Variants in TTC28 observed in about 807,000 individuals in gnomAD.
The protein encoded by TTC28 is tetratricopeptide repeat protein 28.
In TTC28, 61 loss-of-function variants were observed where a neutral mutation model predicts 198.0. The ratio of observed to expected loss-of-function variants is 0.31; its 90% CI spans 0.25 to 0.38. The LOEUF (loss-of-function observed/expected upper bound fraction) is 0.38, where lower values mean the gene tolerates loss of function less well. Among genes scored for constraint, TTC28 ranks in the 10% least tolerant of loss-of-function variants. TTC28 has a pLI of 1.00. For missense variants in TTC28, 2,678 were observed against 3,164.0 expected (o/e 0.85, Z 3.69); for synonymous variants, 1,171 against 1,297.8 (o/e 0.90, Z 2.10).
At chr22:28,390,415 G>A (rs1425486666) in intron 2 of TTC28, among the ~76,000 whole-genome samples, 6 of 151,928 alleles carry the variant, frequency 3.9e-5, no homozygotes, top group South Asian at 2.1e-4. Context: ...TTTCTGTCTC[G>A]TTGATCTGTC....
At chr22:28,081,282 G>A (rs886374542) in intron 12 of TTC28, among the ~76,000 whole-genome samples, 4 of 151,930 alleles carry the variant, frequency 2.6e-5, no homozygotes, top group Admixed American at 1.3e-4. Context: ...CCAGGTTCAA[G>A]CGATTCTCAT....
chr22:28,283,962 C>T (rs1420832289), intron 5 of TTC28, among the ~76,000 whole-genome samples: 1 of 152,140 alleles, frequency 6.6e-6, no homozygotes, highest in East Asian at 1.9e-4. Context: ...CTTTATATGA[C>T]AACTTCTCCA....
intron 17 of TTC28, 55 bp from the exon 18 acceptor site, chr22:27,993,573 G>A (rs977297985): frequency 1.9e-5 from 28 of 1,474,524 alleles, no homozygotes; most frequent in East Asian, 1.2e-4. Flanking sequence ...GTTTCCATCC[G>A]CATGGCTTTG....
chr22:28,193,495 T>C (rs751696692), intron 5 of TTC28, among the ~76,000 whole-genome samples: 6 of 152,058 alleles, frequency 3.9e-5, no homozygotes, highest in Non-Finnish European at 5.9e-5. Context: ...GACTGGCAAA[T>C]TGATTAAACA....
At chr22:28,268,249 T>C (rs1248338275) in intron 5 of TTC28, among the ~76,000 whole-genome samples, 1 of 152,226 alleles carries the variant, frequency 6.6e-6, no homozygotes, top group Non-Finnish European at 1.5e-5. Context: ...TAGCTCATTC[T>C]TTCCAAGGCT....
intron 12 of TTC28, among the ~76,000 whole-genome samples, chr22:28,032,770 C>A (rs1939186386): frequency 6.6e-6 from 1 of 152,104 alleles, no homozygotes; most frequent in African/African-American, 2.4e-5. Flanking sequence ...AAGCTTCTCA[C>A]AGACTCTATG....
chr22:28,539,132 T>C (rs1042021978), intron 2 of TTC28, among the ~76,000 whole-genome samples: 3 of 152,130 alleles, frequency 2.0e-5, no homozygotes, highest in African/African-American at 4.8e-5. Flanking sequence ...AATTTGATTG[T>C]GAACATACTA....
At chr22:28,313,825 C>T (rs1208855610) in intron 2 of TTC28, among the ~76,000 whole-genome samples, 1 of 152,192 alleles carries the variant, frequency 6.6e-6, no homozygotes, top group Non-Finnish European at 1.5e-5. Context: ...CCTCTCTCAC[C>T]ACTCCTATTC....
intron 12 of TTC28, among the ~76,000 whole-genome samples, chr22:28,086,977 T>C (rs1941629047): frequency 6.6e-6 from 1 of 152,090 alleles, no homozygotes. Context: ...GTTGAATATC[T>C]AAATAGACCA....
intron 2 of TTC28, among the ~76,000 whole-genome samples, chr22:28,386,262 G>A (rs1315325544): frequency 1.2e-5 from 1 of 80,490 alleles, no homozygotes; most frequent in African/African-American, 4.7e-5. Context: ...GCGACAGAGC[G>A]AGACTCCGTC....
chr22:28,044,081 G>A (rs976708661), intron 12 of TTC28, among the ~76,000 whole-genome samples: 3 of 152,190 alleles, frequency 2.0e-5, no homozygotes, highest in Non-Finnish European at 2.9e-5. Context: ...ATTTGCTGTT[G>A]ACACTGCCAG....
chr22:28,198,953 A>G (rs1442397641), intron 5 of TTC28, among the ~76,000 whole-genome samples: 2 of 152,076 alleles, frequency 1.3e-5, no homozygotes, highest in Admixed American at 6.6e-5. Flanking sequence ...TCTACTCATG[A>G]CTCCAGAAAA....
At chr22:28,358,001 A>T (rs532266350) in intron 2 of TTC28, among the ~76,000 whole-genome samples, 133 of 152,318 alleles carry the variant, frequency 8.7e-4, no homozygotes, top group African/African-American at 3.0e-3. Context: ...TATTTTCTTT[A>T]AGCTCTTTTT....
intron 6 of TTC28, among the ~76,000 whole-genome samples, chr22:28,135,205 C>G (rs1396819106): frequency 6.6e-6 from 1 of 152,092 alleles, no homozygotes; most frequent in Non-Finnish European, 1.5e-5. Context: ...CCTGTTACTA[C>G]CTTGGGGTGG....
chr22:28,154,416 AT>A (rs1459921610), intron 6 of TTC28, among the ~76,000 whole-genome samples: 2 of 147,392 alleles, frequency 1.4e-5, no homozygotes, highest in East Asian at 4.0e-4. Context: ...CAGTGGCGCG[AT>A]CTCGGCACAC....
At chr22:28,380,379 A>G (rs2046476335) in intron 2 of TTC28, among the ~76,000 whole-genome samples, 1 of 152,156 alleles carries the variant, frequency 6.6e-6, no homozygotes, top group African/African-American at 2.4e-5. Flanking sequence ...GCCTACATAT[A>G]ACAAAATCAA....
Position 27,991,410 on chromosome 22 carries a change from G to A in TTC28, c.5554-598C>T, listed in dbSNP as rs550322968. On this transcript the variant is annotated intron_variant, in intron 19 of 22. Coordinates refer to ENST00000397906, the MANE Select transcript of TTC28 (RefSeq NM_001145418.2). ...AAGTGTCTTCCTGATGCTATTCAAC[G>A]AGCAGGCGTTAATACACTTATTACA... 1.7e-4 allele frequency among the ~76,000 whole-genome samples: 26 copies of A among 152,212 alleles called. 1 individual carries two copies. The highest frequency in any genetic ancestry group is 6.2e-4 in the South Asian group (3 of 4,826).
At chr22:28,336,888 A>C (rs1489486016) in intron 2 of TTC28, among the ~76,000 whole-genome samples, 1 of 151,728 alleles carries the variant, frequency 6.6e-6, no homozygotes, top group Admixed American at 6.6e-5. Context: ...CTAGCTTTTG[A>C]ATGTGTTTGC....
intron 5 of TTC28, among the ~76,000 whole-genome samples, chr22:28,235,134 G>A (rs1008762849): frequency 5.3e-5 from 8 of 152,322 alleles, no homozygotes; most frequent in Non-Finnish European, 7.3e-5. Context: ...AATGTCAGTG[G>A]CAAAGCTGCC....
Sources: allele counts gnomAD v4.1 joint callset (sites outside exome capture counted in the v4.1 genomes callset), GRCh38; gene constraint gnomAD v4.1.1; transcripts MANE v1.5; gene names NCBI Gene and HGNC (gene_info 2026-07-23, HGNC 2026-07-21).